PRELID2: variants seen among roughly 807,000 people sequenced by gnomAD.
PRELID2 encodes the protein PRELI domain containing 2, also known as PRELI domain-containing protein 2.
A neutral mutation model predicts 28.4 loss-of-function variants in PRELID2; 25 were observed. That is an observed-to-expected ratio of 0.88 (90% CI 0.64 to 1.23). PRELID2 has a LOEUF of 1.23. Ranked by LOEUF, PRELID2 falls within the 50% of genes most tolerant of loss-of-function variation. PRELID2 has a pLI of 0.00. For missense variants in PRELID2, 201 were observed against 214.4 expected, an observed-to-expected ratio of 0.94 and a Z score of 0.39; for synonymous variants, 76 against 71.6, an observed-to-expected ratio of 1.06 and a Z score of -0.31.
chr5:145,641,482 G>C (rs1408150761), intron 1 of PRELID2, among the ~76,000 whole-genome samples: 2 of 152,174 alleles, frequency 1.3e-5, no homozygotes, highest in African/African-American at 4.8e-5. Flanking sequence ...GACAATACCA[G>C]TGTTAGGATA....
At chr5:145,370,360 C>T in the PRELID2 span, among the ~76,000 whole-genome samples, 336 of 152,130 alleles carry the variant, frequency 2.2e-3, 1 homozygote, top group African/African-American at 7.4e-3. Flanking sequence ...GTTTTCCCAG[C>T]ACCATTTATT....
At chr5:145,554,495 TA>T (rs1484855562) in intron 1 of PRELID2, among the ~76,000 whole-genome samples, 1 of 152,192 alleles carries the variant, frequency 6.6e-6, no homozygotes, top group African/African-American at 2.4e-5. Flanking sequence ...CTGCAGTGGC[TA>T]ATGGCAAAGA....
chr5:145,453,379 A>G, the PRELID2 span, among the ~76,000 whole-genome samples: 1 of 152,158 alleles, frequency 6.6e-6, no homozygotes. Flanking sequence ...AGTGCATTAG[A>G]GCATCTGTTT....
intron 1 of PRELID2, among the ~76,000 whole-genome samples, chr5:145,626,104 T>A (rs889721921): frequency 2.6e-5 from 4 of 152,118 alleles, no homozygotes; most frequent in Non-Finnish European, 4.4e-5. Flanking sequence ...AAAAAACTCT[T>A]GTGAACTTTG....
At chr5:145,379,627 G>C in the PRELID2 span, among the ~76,000 whole-genome samples, 1 of 152,138 alleles carries the variant, frequency 6.6e-6, no homozygotes, top group African/African-American at 2.4e-5. Context: ...ACCTGCAATG[G>C]AATTTGGAGC....
intron 1 of PRELID2, among the ~76,000 whole-genome samples, chr5:145,571,734 C>A (rs1753016561): frequency 6.6e-6 from 1 of 152,186 alleles, no homozygotes; most frequent in Admixed American, 6.5e-5. Context: ...CTAATCCCAA[C>A]ACTTTGGGAG....
chr5:145,355,747 T>TA, the PRELID2 span, among the ~76,000 whole-genome samples: 2 of 152,190 alleles, frequency 1.3e-5, no homozygotes, highest in African/African-American at 4.8e-5. Context: ...TACCATTTAC[T>TA]AATAGTGTTA....
chr5:145,524,812 T>C (rs1752594188), intron 1 of PRELID2, among the ~76,000 whole-genome samples: 1 of 152,214 alleles, frequency 6.6e-6, no homozygotes, highest in Non-Finnish European at 1.5e-5. Context: ...TGGACGGCTG[T>C]GGAACAAGGT....
At position 145,640,595 on chromosome 5, in the gene PRELID2, G is replaced by T. The variant is rs557491416; in HGVS notation, n.70+124336C>A. Among the ~76,000 whole-genome samples the T allele has an allele frequency of 1.9e-3, 288 of 148,494 alleles. 1 individual carries two copies. Among genetic ancestry groups the T allele is most frequent in the African/African-American group, 6.4e-3 (258 of 40,128 alleles). On this transcript the variant is annotated intron_variant and non_coding_transcript_variant, in intron 1 of 2. Transcript: ENST00000510259. ...GGAGGCGGAGCTTGCAGTGATCCGA[G>T]ATCGCGCCACTGCACCCCAGCCTGG...
At chr5:145,372,438 C>T in the PRELID2 span, among the ~76,000 whole-genome samples, 8 of 151,962 alleles carry the variant, frequency 5.3e-5, no homozygotes, top group Middle Eastern at 3.4e-3. Flanking sequence ...CTAATATTGA[C>T]AGTGGGGTGT....
downstream of PRELID2, among the ~76,000 whole-genome samples, chr5:145,469,557 T>G (rs991574255): frequency 2.0e-5 from 3 of 152,004 alleles, no homozygotes; most frequent in Non-Finnish European, 2.9e-5. Flanking sequence ...GATGGAAACT[T>G]CCATTAAGCT....
At chr5:145,566,857 A>G (rs1008045910) in intron 1 of PRELID2, among the ~76,000 whole-genome samples, 76 of 149,750 alleles carry the variant, frequency 5.1e-4, no homozygotes, top group Admixed American at 1.7e-3. Context: ...AAAAAAAAAA[A>G]AGAGAGAGCA....
chr5:145,333,262 A>C, the PRELID2 span, among the ~76,000 whole-genome samples: 1 of 152,298 alleles, frequency 6.6e-6, no homozygotes, highest in Admixed American at 6.5e-5. Context: ...GACCCACTTG[A>C]GGAGGCAGTC....
chr5:145,653,040 A>G (rs1754326082), intron 1 of PRELID2, among the ~76,000 whole-genome samples: 1 of 152,224 alleles, frequency 6.6e-6, no homozygotes, highest in Non-Finnish European at 1.5e-5. Context: ...GGCTCAAAAT[A>G]AAGGGATGGA....
At chr5:145,648,636 T>G (rs1348962072) in intron 1 of PRELID2, among the ~76,000 whole-genome samples, 1 of 151,346 alleles carries the variant, frequency 6.6e-6, no homozygotes, top group African/African-American at 2.4e-5. Context: ...GGTTTTTTTG[T>G]ATTATCCTCC....
At chr5:145,338,964 T>G in the PRELID2 span, among the ~76,000 whole-genome samples, 5 of 152,306 alleles carry the variant, frequency 3.3e-5, no homozygotes, top group Admixed American at 2.6e-4. Flanking sequence ...TTAGTCATAA[T>G]TATCTACATT....
chr5:145,263,309 T>A, the PRELID2 span, among the ~76,000 whole-genome samples: 2 of 152,076 alleles, frequency 1.3e-5, no homozygotes, highest in Non-Finnish European at 2.9e-5. Context: ...AAAAGAAATT[T>A]AATACCATAC....
chr5:145,535,754 T>C lies in PRELID2; in HGVS notation n.71-62439A>G, dbSNP rs569676665. Among the ~76,000 whole-genome samples the C allele has an allele frequency of 2.6e-5, 4 of 152,048 alleles. No homozygotes were observed. In the South Asian group the frequency reaches 8.3e-4, roughly 32 times the overall value. Reference sequence around the variant, plus strand: ...AGATGAGCCAATCATCCTCATCCATTCATCATGTCCATATCCAAGTGTTTT... The same window carrying C: ...AGATGAGCCAATCATCCTCATCCATCCATCATGTCCATATCCAAGTGTTTT... On this transcript the variant is annotated intron_variant and non_coding_transcript_variant, in intron 1 of 2. Coordinates refer to the PRELID2 transcript ENST00000510259.
At chr5:145,287,678 T>C in the PRELID2 span, among the ~76,000 whole-genome samples, 1 of 152,182 alleles carries the variant, frequency 6.6e-6, no homozygotes. Context: ...AGATTTTCCT[T>C]ATTCCTAACA....
Sources: allele counts gnomAD v4.1 joint callset (sites outside exome capture counted in the v4.1 genomes callset), GRCh38; gene constraint gnomAD v4.1.1; transcripts MANE v1.5; gene names NCBI Gene and HGNC (gene_info 2026-07-23, HGNC 2026-07-21).